Variants in ASIC2 observed in about 807,000 individuals in gnomAD.
ASIC2 encodes acid sensing ion channel subunit 2.
A neutral mutation model predicts 57.3 loss-of-function variants in ASIC2; 25 were observed. The observed-to-expected ratio is 0.44, with a 90% CI of 0.32 to 0.61. The LOEUF (loss-of-function observed/expected upper bound fraction) is 0.61, where lower values mean the gene tolerates loss of function less well. Ranked by LOEUF, ASIC2 falls within the 20% of genes least tolerant of loss-of-function variation. ASIC2 has a pLI of 0.06. For synonymous variants in ASIC2, 319 were observed against 307.5 expected, an observed-to-expected ratio of 1.04 and a Z score of -0.39; for missense variants, 641 against 738.1, an observed-to-expected ratio of 0.87 and a Z score of 1.52.
intron 1 of ASIC2, among the ~76,000 whole-genome samples, chr17:33,835,137 G>A (rs1275026742): frequency 6.6e-6 from 1 of 152,192 alleles, no homozygotes; most frequent in Non-Finnish European, 1.5e-5. Flanking sequence ...CCTGGCCTCA[G>A]AGGCATTCTA....
intron 1 of ASIC2, among the ~76,000 whole-genome samples, chr17:33,515,160 G>C (rs1914528756): frequency 6.6e-6 from 1 of 152,212 alleles, no homozygotes; most frequent in Admixed American, 6.5e-5. Flanking sequence ...AAGTGCACAG[G>C]GCAGAGGAAT....
At chr17:33,918,886 A>G (rs934953788) in intron 1 of ASIC2, among the ~76,000 whole-genome samples, 3 of 152,190 alleles carry the variant, frequency 2.0e-5, no homozygotes, top group Admixed American at 6.5e-5. Context: ...GTCTTCATGG[A>G]TTTCCCAAAG....
chr17:33,551,510 T>C (rs1379867937), intron 1 of ASIC2, among the ~76,000 whole-genome samples: 1 of 152,196 alleles, frequency 6.6e-6, no homozygotes, highest in Non-Finnish European at 1.5e-5. Context: ...GCTGTACCAA[T>C]GACCAATCAA....
intron 1 of ASIC2, among the ~76,000 whole-genome samples, chr17:33,230,199 T>C (rs1043351015): frequency 5.3e-5 from 8 of 152,192 alleles, no homozygotes; most frequent in Non-Finnish European, 4.4e-5. Flanking sequence ...GAAGCCCCCA[T>C]GGGGCTAAAA....
At chr17:33,969,588 C>A (rs1786667107) in intron 1 of ASIC2, among the ~76,000 whole-genome samples, 2 of 152,168 alleles carry the variant, frequency 1.3e-5, no homozygotes, top group South Asian at 4.1e-4. Context: ...CTATTGTGGA[C>A]AATTGAGGCT....
At chr17:34,039,940 G>GCGGAC in intron 1 of ASIC2, 1 of 1,351,972 alleles carries the variant, frequency 7.4e-7, no homozygotes, top group Non-Finnish European at 1.0e-6. Context: ...CGACCCGGCT[G>GCGGAC]CGGACCGCTC....
intron 1 of ASIC2, among the ~76,000 whole-genome samples, chr17:34,150,976 G>T (rs916526542): frequency 1.3e-5 from 2 of 151,930 alleles, no homozygotes; most frequent in Non-Finnish European, 2.9e-5. Flanking sequence ...GGTGGCAGGC[G>T]CCTGTAGTCC....
At chr17:33,048,606 C>T (rs554890416) in intron 3 of ASIC2, among the ~76,000 whole-genome samples, 14 of 152,324 alleles carry the variant, frequency 9.2e-5, no homozygotes, top group African/African-American at 3.1e-4. Flanking sequence ...AGAGAGACCA[C>T]GTCATCTGCT....
chr17:33,146,075 C>T (rs976253129), intron 1 of ASIC2, among the ~76,000 whole-genome samples: 4 of 152,220 alleles, frequency 2.6e-5, no homozygotes, highest in African/African-American at 9.6e-5. Flanking sequence ...CTAATTTAGT[C>T]TCAGAAATAT....
intron 1 of ASIC2, among the ~76,000 whole-genome samples, chr17:33,300,588 T>G (rs1185209701): frequency 6.6e-6 from 1 of 152,232 alleles, no homozygotes; most frequent in African/African-American, 2.4e-5. Context: ...AAGTGCATTA[T>G]GTTGTGTATT....
intron 1 of ASIC2, among the ~76,000 whole-genome samples, chr17:33,875,270 C>A (rs771503695): frequency 6.6e-6 from 1 of 152,200 alleles, no homozygotes; most frequent in Non-Finnish European, 1.5e-5. Flanking sequence ...TAATTGGACT[C>A]ATTATTGTTA....
chr17:33,033,190 T>C (rs927454123), intron 3 of ASIC2, among the ~76,000 whole-genome samples: 1 of 152,160 alleles, frequency 6.6e-6, no homozygotes, highest in Non-Finnish European at 1.5e-5. Context: ...CCCTGACCCT[T>C]CTGAGTTAAG....
intron 1 of ASIC2, among the ~76,000 whole-genome samples, chr17:33,495,644 G>A (rs1913907147): frequency 1.3e-5 from 2 of 152,066 alleles, no homozygotes; most frequent in South Asian, 4.2e-4. Context: ...TCCTAGGCTG[G>A]GTCCTAATGG....
At chr17:33,779,198 G>A (rs891768985) in intron 1 of ASIC2, among the ~76,000 whole-genome samples, 20 of 152,098 alleles carry the variant, frequency 1.3e-4, no homozygotes, top group African/African-American at 4.1e-4. Context: ...TGGCTTCCCA[G>A]GGTGTCTGCT....
chr17:33,037,815 C>G lies in ASIC2; in HGVS notation c.988-9423G>C, dbSNP rs189898071. 3.9e-3 allele frequency among the ~76,000 whole-genome samples: 590 copies of G among 152,256 alleles called. 2 individuals are homozygous for G. The highest frequency in any genetic ancestry group is 9.2e-3 in the Admixed American group (140 of 15,296). On this transcript the variant is annotated intron_variant, in intron 3 of 9. Coordinates refer to ENST00000225823, the MANE Select transcript of ASIC2 (RefSeq NM_183377.2). Reference sequence around the variant, plus strand: ...CATTCTGGCTCAACATAAGGAAGAACTTTCTAATCCACTGGTATAATTCAA... The same window carrying G: ...CATTCTGGCTCAACATAAGGAAGAAGTTTCTAATCCACTGGTATAATTCAA...
chr17:33,855,687 C>A (rs1913906849), intron 1 of ASIC2, among the ~76,000 whole-genome samples: 1 of 151,948 alleles, frequency 6.6e-6, no homozygotes, highest in African/African-American at 2.4e-5. Context: ...ATGATGGGGG[C>A]AGGTTGAGGG....
rs1909375389 is a variant in ASIC2, at chr17:33,263,984, G to T, written c.708+27424C>A. Among the ~76,000 whole-genome samples, 3 of 152,316 alleles carry T rather than the reference G, an allele frequency of 2.0e-5. No individual in the cohort carries two copies. The South Asian group carries it at 6.2e-4, about 32-fold the overall frequency. On this transcript the variant is annotated intron_variant, in intron 1 of 9. Coordinates refer to ENST00000225823, the MANE Select transcript of ASIC2 (RefSeq NM_183377.2). ...AGGGGAGGGCAAGAGCTTTGGGCTG[G>T]CATCTCAGTCTGCCTCCTGCCAGCT...
Position 33,849,193 on chromosome 17 carries a change from T to C in ASIC2, c.555+306785A>G, listed in dbSNP as rs114889757. On this transcript the variant is annotated intron_variant, in intron 1 of 9. Transcript: ENST00000359872. ...GCTCACTCTAGGTGAGATCCTGTGC[T>C]GAGTCCCCGCCTGCTAGGAGCTTCT... Among the ~76,000 whole-genome samples the C allele has an allele frequency of 4.1e-3, 629 of 152,310 alleles. 4 individuals carry two copies. The highest frequency in any genetic ancestry group is 0.013 in the African/African-American group (550 of 41,566).
chr17:33,645,101 A>G (rs968416971), intron 1 of ASIC2, among the ~76,000 whole-genome samples: 1 of 152,176 alleles, frequency 6.6e-6, no homozygotes, highest in African/African-American at 2.4e-5. Context: ...TCTCCTAACT[A>G]CTCAGTAATA....
Sources: allele counts gnomAD v4.1 joint callset (sites outside exome capture counted in the v4.1 genomes callset), GRCh38; gene constraint gnomAD v4.1.1; transcripts MANE v1.5; gene names NCBI Gene and HGNC (gene_info 2026-07-23, HGNC 2026-07-21).